The following ZNF532 variants were observed in gnomAD, a reference collection of about 807,000 sequenced individuals.
ZNF532 encodes zinc finger protein 532.
ZNF532 carries 22 observed loss-of-function variants against 89.3 expected under a neutral mutation model. That is an observed-to-expected ratio of 0.25 (90% confidence interval 0.18 to 0.35). ZNF532 has a LOEUF of 0.35. Among genes scored for constraint, ZNF532 ranks in the 10% least tolerant of loss-of-function variants. ZNF532 has a pLI of 1.00. For missense variants in ZNF532, 1,132 were observed against 1,643.4 expected, an observed-to-expected ratio of 0.69 and a Z score of 5.38; for synonymous variants, 606 against 649.6, an observed-to-expected ratio of 0.93 and a Z score of 1.02.
At chr18:58,899,752 C>A (rs1389831821) in intron 2 of ZNF532, among the ~76,000 whole-genome samples, 1 of 152,188 alleles carries the variant, frequency 6.6e-6, no homozygotes, top group African/African-American at 2.4e-5. Context: ...CAGGCGTGAG[C>A]CACTGTGCCC....
chr18:58,941,084 A>T (rs1284172974), intron 5 of ZNF532, among the ~76,000 whole-genome samples: 1 of 151,964 alleles, frequency 6.6e-6, no homozygotes, highest in Non-Finnish European at 1.5e-5. Context: ...GTTGAAGTTA[A>T]ATTTTATTTT....
chr18:58,911,196 TGGA>T (rs958494127), intron 2 of ZNF532, among the ~76,000 whole-genome samples: 2 of 152,230 alleles, frequency 1.3e-5, no homozygotes, highest in African/African-American at 4.8e-5. Flanking sequence ...AGGGTAAGGC[TGGA>T]GGAGATCTCT....
intron 7 of ZNF532, chr18:58,963,990 C>G (rs927936524): frequency 6.6e-6 from 1 of 152,106 alleles, no homozygotes; most frequent in Non-Finnish European, 1.5e-5. Context: ...TTTCTGTCTT[C>G]GTGCTGTACT....
chr18:58,878,942 G>C (rs1039389278), intron 2 of ZNF532, among the ~76,000 whole-genome samples: 4 of 152,206 alleles, frequency 2.6e-5, no homozygotes, highest in African/African-American at 9.7e-5. Context: ...AAACAATGCT[G>C]TTCCACAGCT....
intron 3 of ZNF532, among the ~76,000 whole-genome samples, chr18:58,920,979 A>G (rs2146119704): frequency 6.6e-6 from 1 of 151,978 alleles, no homozygotes; most frequent in African/African-American, 2.4e-5. Context: ...CGCCAGCTAT[A>G]TTCGGGAGGC....
At chr18:58,911,368 T>C (rs532717117) in intron 2 of ZNF532, among the ~76,000 whole-genome samples, 1 of 152,324 alleles carries the variant, frequency 6.6e-6, no homozygotes, top group Admixed American at 6.5e-5. Context: ...TATGATTTTT[T>C]AAGTTAACCT....
chr18:58,916,820 T>G (rs2060633980), intron 2 of ZNF532: 1 of 726,078 alleles, frequency 1.4e-6, no homozygotes. Context: ...GAGTAGAAAT[T>G]CTCTCTTGAC....
intron 7 of ZNF532, among the ~76,000 whole-genome samples, chr18:58,956,026 C>T (rs552574949): frequency 1.1e-3 from 166 of 152,318 alleles, no homozygotes; most frequent in African/African-American, 3.7e-3. Flanking sequence ...ATTTCTGTAA[C>T]TATCTTGTAA....
intron 9 of ZNF532, among the ~76,000 whole-genome samples, chr18:58,982,178 G>A (rs370127064): frequency 8.3e-4 from 124 of 148,814 alleles, no homozygotes; most frequent in Middle Eastern, 3.7e-3. Flanking sequence ...GATGGCAGGC[G>A]CCTTAATCCC....
At chr18:58,888,737 TATATTTTATATATATATA>T (rs2058523658) in intron 2 of ZNF532, among the ~76,000 whole-genome samples, 2 of 51,662 alleles carry the variant, frequency 3.9e-5, no homozygotes, top group African/African-American at 2.3e-4. Context: ...ATTATATATA[TATATTTTATATATATATA>T]AAATTAATAT....
At chr18:58,958,095 A>G (rs2064986093) in intron 7 of ZNF532, among the ~76,000 whole-genome samples, 1 of 151,340 alleles carries the variant, frequency 6.6e-6, no homozygotes, top group Non-Finnish European at 1.5e-5. Flanking sequence ...ACAAAAACCT[A>G]ATTCTGGCTC....
chr18:58,981,314 C>A (rs2067741394), intron 8 of ZNF532, 156 bp from the exon 9 acceptor site: 1 of 920,422 alleles, frequency 1.1e-6, no homozygotes, highest in Non-Finnish European at 1.7e-6. Context: ...CCACTCCTAG[C>A]AAAATTGCTG....
Position 58,919,553 on chromosome 18 carries a change from G to A in ZNF532, c.1266G>A (p.Ala422=), listed in dbSNP as rs200021476. 26 of 1,614,108 alleles carry A rather than the reference G, an allele frequency of 1.6e-5. No homozygotes were observed. In the East Asian group the frequency reaches 3.6e-4, roughly 22 times the overall value. The change falls in exon 3 of 10, where the codon GCG becomes GCA. Residue 422 remains alanine, a synonymous_variant. Coordinates refer to ENST00000591808, the MANE Select transcript of ZNF532 (RefSeq NM_001375912.1). This position sits in a 1 kb window ranked among gnomAD's most constrained non-coding sequence, Gnocchi z 6.1. The part of the protein sequence containing the change: ...SAAVLSSPPR[A]PLQSAVVTNA... ...CCGTCCTTTCCTCTCCCCCCAGGGC[G>A]CCTCTCCAGTCTGCGGTCGTGACCA...
At chr18:58,869,797 C>G (rs1424720830) in intron 2 of ZNF532, among the ~76,000 whole-genome samples, 1 of 127,980 alleles carries the variant, frequency 7.8e-6, no homozygotes, top group African/African-American at 3.0e-5. Flanking sequence ...GTTGGAGTCT[C>G]GCTTTGTTGT....
At chr18:58,963,493 T>C (rs1480193126) in intron 7 of ZNF532, among the ~76,000 whole-genome samples, 2 of 152,088 alleles carry the variant, frequency 1.3e-5, no homozygotes, top group African/African-American at 4.8e-5. Flanking sequence ...TTGAAAAGAA[T>C]GGCAAGGCAA....
chr18:58,876,936 C>T (rs192326362), intron 2 of ZNF532, among the ~76,000 whole-genome samples: 55 of 152,134 alleles, frequency 3.6e-4, no homozygotes, highest in Admixed American at 3.3e-3. Context: ...GGTGTGCACC[C>T]GTAGTCCTAG....
chr18:58,972,586 G>A (rs1009712750), intron 7 of ZNF532, among the ~76,000 whole-genome samples: 2 of 151,942 alleles, frequency 1.3e-5, no homozygotes, highest in African/African-American at 4.8e-5. Flanking sequence ...ACCCACCCCT[G>A]ACTTTAATAA....
chr18:58,957,402 AATACATAT>A (rs1392805032), intron 7 of ZNF532, among the ~76,000 whole-genome samples: 1 of 61,428 alleles, frequency 1.6e-5, no homozygotes, highest in Admixed American at 2.0e-4. Flanking sequence ...TATGACTTAA[AATACATAT>A]ATATATATAT....
rs1490502112 is a variant in ZNF532, at chr18:58,864,921, G to A, written c.-592G>A. ...CCCTTCATGGCAGCCAAAAGCAGAG[G>A]AGCTTGCAGGAAGGTACCATCCCTA... On this transcript the variant is annotated 5_prime_UTR_variant, in exon 1 of 10. Coordinates refer to ENST00000591808, the MANE Select transcript of ZNF532 (RefSeq NM_001375912.1). 2 of 152,262 alleles carry A rather than the reference G, an allele frequency of 1.3e-5. No homozygotes were observed. The highest frequency in any genetic ancestry group is 2.9e-5 in the Non-Finnish European group (2 of 68,144). 9.4% of individuals were successfully genotyped at this position (152,262 alleles called of 1,614,324 possible).
Sources: gnomAD v4.1 joint callset for allele counts (sites outside exome capture counted in the v4.1 genomes callset) on GRCh38, gnomAD v4.1.1 for gene constraint, Gnocchi (gnomAD v3.1) non-coding constraint, MANE v1.5 for transcripts, NCBI Gene and HGNC (gene_info 2026-07-23, HGNC 2026-07-21) for gene names.